The following SLC35D4 variants were observed in gnomAD, a reference collection of about 807,000 sequenced individuals.
SLC35D4 encodes the protein solute carrier family 35 member D4, also known as UDP-N-acetylglucosamine transporter SLC35D4.
chr18:23,381,466 A>G, the SLC35D4 span, among the ~76,000 whole-genome samples: 4 of 152,066 alleles, frequency 2.6e-5, no homozygotes, highest in African/African-American at 4.8e-5. Context: ...TGGCCTCCCA[A>G]AGCTTTTTGA....
the SLC35D4 span, chr18:23,365,557 T>G: frequency 6.5e-7 from 1 of 1,549,950 alleles, no homozygotes; most frequent in Non-Finnish European, 8.8e-7. Flanking sequence ...TTATGAAATG[T>G]CTCTGAGAGA....
the SLC35D4 span, among the ~76,000 whole-genome samples, chr18:23,288,689 C>T: frequency 2.0e-5 from 3 of 152,156 alleles, no homozygotes; most frequent in Admixed American, 6.5e-5. Context: ...AAGGCCACCA[C>T]GGTCATTTCT....
At chr18:23,365,109 T>C in the SLC35D4 span, among the ~76,000 whole-genome samples, 1 of 152,078 alleles carries the variant, frequency 6.6e-6, no homozygotes, top group East Asian at 1.9e-4. Flanking sequence ...AGTATTTTAT[T>C]TGAGGTTACC....
the SLC35D4 span, among the ~76,000 whole-genome samples, chr18:23,354,403 C>A: frequency 6.7e-6 from 1 of 150,056 alleles, no homozygotes; most frequent in Admixed American, 6.7e-5. Context: ...CACCTGTAGT[C>A]CCAGCTACTC....
the SLC35D4 span, among the ~76,000 whole-genome samples, chr18:23,293,666 G>C: frequency 6.6e-6 from 1 of 152,216 alleles, no homozygotes; most frequent in Admixed American, 6.5e-5. Context: ...GAGGAGTCTG[G>C]ATCTGGGTTA....
At chr18:23,399,455 A>G in the SLC35D4 span, 10 of 966,994 alleles carry the variant, frequency 1.0e-5, no homozygotes, top group Non-Finnish European at 1.6e-5. Flanking sequence ...AGGTCCCATT[A>G]TTATCATTAT....
the SLC35D4 span, among the ~76,000 whole-genome samples, chr18:23,382,067 C>T: frequency 6.6e-6 from 1 of 151,752 alleles, no homozygotes; most frequent in Non-Finnish European, 1.5e-5. Flanking sequence ...GTGAAACCCC[C>T]ATCTCTACTA....
the SLC35D4 span, among the ~76,000 whole-genome samples, chr18:23,278,194 C>A: frequency 6.6e-6 from 1 of 152,130 alleles, no homozygotes; most frequent in Non-Finnish European, 1.5e-5. Flanking sequence ...AATGTAGAGC[C>A]CCACATACTC....
chr18:23,373,973 G>A, the SLC35D4 span, among the ~76,000 whole-genome samples: 5 of 152,156 alleles, frequency 3.3e-5, no homozygotes, highest in Non-Finnish European at 5.9e-5. Context: ...TTCCTTCTCT[G>A]GACCTCAGCT....
chr18:23,411,541 GAAA>G, the SLC35D4 span, among the ~76,000 whole-genome samples: 6 of 149,932 alleles, frequency 4.0e-5, no homozygotes, highest in Non-Finnish European at 7.4e-5. Context: ...AAGAAAGAAA[GAAA>G]GAAAGAAAGG....
the SLC35D4 span, among the ~76,000 whole-genome samples, chr18:23,391,290 G>T: frequency 6.6e-6 from 1 of 151,930 alleles, no homozygotes; most frequent in Non-Finnish European, 1.5e-5. Flanking sequence ...ATTGTCTAAG[G>T]CCCTGAACGG....
the SLC35D4 span, among the ~76,000 whole-genome samples, chr18:23,315,144 C>T: frequency 6.6e-6 from 1 of 152,136 alleles, no homozygotes; most frequent in Non-Finnish European, 1.5e-5. Context: ...AAAAGTGATG[C>T]ATACAAGACT....
the SLC35D4 span, among the ~76,000 whole-genome samples, chr18:23,280,048 G>A: frequency 6.6e-6 from 1 of 152,172 alleles, no homozygotes; most frequent in Non-Finnish European, 1.5e-5. Context: ...TCTTTGTTAC[G>A]GCAGCCCTAG....
chr18:23,426,958 T>C, the SLC35D4 span, among the ~76,000 whole-genome samples: 1 of 152,218 alleles, frequency 6.6e-6, no homozygotes, highest in Non-Finnish European at 1.5e-5. Context: ...GAAAACTGGC[T>C]AGCCATATGT....
the SLC35D4 span, chr18:23,352,297 G>A: frequency 6.2e-7 from 1 of 1,601,282 alleles, no homozygotes; most frequent in South Asian, 1.1e-5. Context: ...CCACTGGAAG[G>A]AGAAAAGATT....
the SLC35D4 span, among the ~76,000 whole-genome samples, chr18:23,328,678 T>G: frequency 6.6e-6 from 1 of 152,190 alleles, no homozygotes; most frequent in Non-Finnish European, 1.5e-5. Flanking sequence ...TACCAATGAC[T>G]TTCTTCACAG....
the SLC35D4 span, among the ~76,000 whole-genome samples, chr18:23,415,131 A>AT: frequency 3.9e-5 from 6 of 152,102 alleles, no homozygotes; most frequent in Non-Finnish European, 2.9e-5. Context: ...ATATAAATAA[A>AT]TTTTTTTAAA....
the SLC35D4 span, among the ~76,000 whole-genome samples, chr18:23,245,886 C>T: frequency 6.6e-6 from 1 of 152,244 alleles, no homozygotes. Flanking sequence ...TTAGAACCCC[C>T]CATCCATCAC....
chr18:23,411,545 GA>G, the SLC35D4 span, among the ~76,000 whole-genome samples: 5 of 150,070 alleles, frequency 3.3e-5, no homozygotes, highest in Non-Finnish European at 7.4e-5. Context: ...AAGAAAGAAA[GA>G]AAGAAAGGTG....
Sources: gnomAD v4.1 joint callset for allele counts (sites outside exome capture counted in the v4.1 genomes callset) on GRCh38, gnomAD v4.1.1 for gene constraint, MANE v1.5 for transcripts, NCBI Gene and HGNC (gene_info 2026-07-23, HGNC 2026-07-21) for gene names.